Variants in CSMD3 observed in about 807,000 individuals in gnomAD.
The protein encoded by CSMD3 is CUB and Sushi multiple domains 3, also known as CUB and sushi domain-containing protein 3.
Under a neutral mutation model 435.2 loss-of-function variants are expected in CSMD3, and 177 were observed. That is an observed-to-expected ratio of 0.41 (90% CI 0.36 to 0.46). The LOEUF (loss-of-function observed/expected upper bound fraction) is 0.46. Ranked by LOEUF, CSMD3 falls within the 20% of genes least tolerant of loss-of-function variation. The pLI is 0.34. For missense variants in CSMD3, 4,265 were observed against 4,504.6 expected, an observed-to-expected ratio of 0.95 and a Z score of 1.52; for synonymous variants, 1,656 against 1,520.5, an observed-to-expected ratio of 1.09 and a Z score of -2.07.
intron 6 of CSMD3, among the ~76,000 whole-genome samples, chr8:112,985,055 T>C (rs2130986411): frequency 6.6e-6 from 1 of 151,132 alleles, no homozygotes; most frequent in Admixed American, 6.6e-5. Flanking sequence ...ACCCATGTCT[T>C]TCAAGTAAAC....
At position 112,968,191 on chromosome 8, in the gene CSMD3, T is replaced by C. The variant is rs867194954; in HGVS notation, c.1342+7646A>G. Among the ~76,000 whole-genome samples the C allele has an allele frequency of 3.3e-5, 5 of 152,058 alleles. No homozygotes were observed. In the South Asian group the frequency reaches 1.0e-3, roughly 32 times the overall value. On this transcript the variant is annotated intron_variant, in intron 7 of 70. Transcript: ENST00000297405. The stretch of plus-strand genomic sequence containing the variant: ...GATGGTAGCATTGGCCACTTCTATG[T>C]TTGTTTTTACACTGGCTATAAATAA...
At chr8:113,371,229 G>T (rs1007972939) in intron 1 of CSMD3, among the ~76,000 whole-genome samples, 1 of 151,700 alleles carries the variant, frequency 6.6e-6, no homozygotes, top group African/African-American at 2.4e-5. Context: ...CCTTTTTGAG[G>T]ATAAAGCCAG....
chr8:113,089,784 G>A (rs2089938329), intron 5 of CSMD3, among the ~76,000 whole-genome samples: 1 of 151,994 alleles, frequency 6.6e-6, no homozygotes, highest in Non-Finnish European at 1.5e-5. Flanking sequence ...GAGTCTGTCT[G>A]CTTTCTCGAG....
chr8:112,256,773 G>T (rs912149807), intron 61 of CSMD3, among the ~76,000 whole-genome samples: 1 of 152,164 alleles, frequency 6.6e-6, no homozygotes, highest in East Asian at 1.9e-4. Context: ...TCCCTCTGAA[G>T]CAAACAAACA....
At chr8:112,343,791 C>G (rs1388424611) in intron 41 of CSMD3, among the ~76,000 whole-genome samples, 1 of 152,092 alleles carries the variant, frequency 6.6e-6, no homozygotes, top group Non-Finnish European at 1.5e-5. Context: ...GACATACAGG[C>G]GGGCTCCACC....
chr8:113,102,659 T>C (rs1384517251), intron 4 of CSMD3, among the ~76,000 whole-genome samples: 1 of 152,058 alleles, frequency 6.6e-6, no homozygotes, highest in Non-Finnish European at 1.5e-5. Flanking sequence ...AGCAAAATAG[T>C]AAGCAGTAAC....
At chr8:113,156,614 G>A (rs1457755774) in intron 4 of CSMD3, among the ~76,000 whole-genome samples, 6 of 151,722 alleles carry the variant, frequency 4.0e-5, no homozygotes, top group Non-Finnish European at 8.8e-5. Context: ...GTTAGAGAGA[G>A]AATAGGCTAA....
At chr8:112,375,607 T>G (rs975099952) in intron 38 of CSMD3, among the ~76,000 whole-genome samples, 11 of 152,102 alleles carry the variant, frequency 7.2e-5, no homozygotes, top group Non-Finnish European at 1.6e-4. Context: ...AATTTCTAAC[T>G]AAAAGAACAG....
At position 112,289,439 on chromosome 8, in the gene CSMD3, C is replaced by T. The variant is rs199604170; in HGVS notation, c.9074G>A (p.Arg3025His). 3.7e-5 allele frequency: 59 copies of T among 1,613,302 alleles called. No individual in the cohort carries two copies. The East Asian group carries it at 5.1e-4, about 14-fold the overall frequency. Residue 3025 changes from arginine to histidine, a missense_variant, in exon 57 of 71, where the codon CGT becomes CAT. Physicochemically the swap from Arg to His is conservative, Grantham distance 29. Coordinates refer to ENST00000297405, the MANE Select transcript of CSMD3 (RefSeq NM_198123.2). ...STVHYSCTGK[R>H]SLLGQSSRTC... ...TCTTGATGACTGGCCTAAAAGGGAACGCTTTCCTGTGCAGGAATAGTGAAC... is the reference window on the plus strand; with the variant it reads ...TCTTGATGACTGGCCTAAAAGGGAATGCTTTCCTGTGCAGGAATAGTGAAC...
chr8:113,057,263 T>G (rs1341016834), intron 5 of CSMD3, among the ~76,000 whole-genome samples: 6 of 152,156 alleles, frequency 3.9e-5, no homozygotes, highest in Admixed American at 1.3e-4. Context: ...AGCCCTGGCC[T>G]TAGAATGTAA....
intron 4 of CSMD3, among the ~76,000 whole-genome samples, chr8:113,136,288 T>G (rs181024969): frequency 9.8e-4 from 148 of 151,628 alleles, no homozygotes; most frequent in African/African-American, 3.3e-3. Flanking sequence ...TATGTGCCTA[T>G]TGAGCATTTG....
rs541133873 is a variant in CSMD3, at chr8:113,345,339, T to A, written c.179-30546A>T. 2.6e-3 allele frequency among the ~76,000 whole-genome samples: 402 copies of A among 152,258 alleles called. 1 individual carries two copies. Among genetic ancestry groups the A allele is most frequent in the African/African-American group, 9.1e-3 (378 of 41,562 alleles). On this transcript the variant is annotated intron_variant, in intron 1 of 70. Transcript: ENST00000297405. ...AGCTAACCAAAATAATTTAATGATA[T>A]CTATGGAACTGCCTTATTGCTCAAA...
intron 13 of CSMD3, among the ~76,000 whole-genome samples, chr8:112,752,351 C>T (rs2077589335): frequency 6.6e-6 from 1 of 152,116 alleles, no homozygotes; most frequent in Non-Finnish European, 1.5e-5. Flanking sequence ...ATCTCATAAT[C>T]TTATGCTTTA....
rs1046163694 is a variant in CSMD3, at chr8:113,202,404, G to A, written c.515-28488C>T. On this transcript the variant is annotated intron_variant, in intron 3 of 70. Transcript: ENST00000297405. Reference sequence around the variant, plus strand: ...GAGCCTCTTTTAAAAACTGAATGAGGTTCTATTGTCTTTGTTTACTTGCAA... The same window carrying A: ...GAGCCTCTTTTAAAAACTGAATGAGATTCTATTGTCTTTGTTTACTTGCAA... Among the ~76,000 whole-genome samples, 4 of 152,086 alleles carry A rather than the reference G, an allele frequency of 2.6e-5. No homozygotes were observed. In the South Asian group the frequency reaches 6.2e-4, roughly 24 times the overall value.
intron 16 of CSMD3, among the ~76,000 whole-genome samples, chr8:112,678,097 A>C (rs981869555): frequency 6.6e-6 from 1 of 152,190 alleles, no homozygotes; most frequent in Non-Finnish European, 1.5e-5. Flanking sequence ...TTGGGAGGGT[A>C]GCCTGCTTCC....
At chr8:112,741,351 G>T (rs1181880360) in intron 13 of CSMD3, among the ~76,000 whole-genome samples, 1 of 151,956 alleles carries the variant, frequency 6.6e-6, no homozygotes. Context: ...TATATGAAAA[G>T]ATACTCAGCA....
intron 58 of CSMD3, among the ~76,000 whole-genome samples, chr8:112,284,381 GA>G (rs1810908062): frequency 1.3e-5 from 2 of 151,630 alleles, no homozygotes; most frequent in African/African-American, 4.8e-5. Flanking sequence ...TTGGAATAAA[GA>G]GTAAAAATAC....
intron 3 of CSMD3, among the ~76,000 whole-genome samples, chr8:113,264,074 C>G (rs2093448711): frequency 6.6e-6 from 1 of 151,006 alleles, no homozygotes; most frequent in Admixed American, 6.6e-5. Flanking sequence ...GAATTCATTT[C>G]AAGTTTATTT....
At chr8:112,248,595 T>C (rs544298478) in intron 63 of CSMD3, among the ~76,000 whole-genome samples, 3 of 152,238 alleles carry the variant, frequency 2.0e-5, no homozygotes, top group East Asian at 3.9e-4. Context: ...TTAGGACTTA[T>C]CACTCAGATC....
Sources: gnomAD v4.1 joint callset for allele counts (sites outside exome capture counted in the v4.1 genomes callset) on GRCh38, gnomAD v4.1.1 for gene constraint, MANE v1.5 for transcripts, NCBI Gene and HGNC (gene_info 2026-07-23, HGNC 2026-07-21) for gene names.